The following C5 variants were observed in gnomAD, a reference collection of about 807,000 sequenced individuals.
The protein encoded by C5 is complement C5, also known as C3 and PZP-like alpha-2-macroglobulin domain-containing protein 4.
Under a neutral mutation model 218.8 loss-of-function variants are expected in C5, and 140 were observed. The observed-to-expected ratio is 0.64, with a 90% CI of 0.56 to 0.74. C5 has a LOEUF of 0.74. C5 is among the 30% of genes least tolerant of loss of function. The probability of loss-of-function intolerance (pLI) is 0.00; values close to 1 mark genes in which losing one functional copy is unlikely to be tolerated. For synonymous variants in C5, 614 were observed against 682.3 expected (o/e 0.90, Z 1.56); for missense variants, 1,700 against 1,969.6 (o/e 0.86, Z 2.59).
chr9:121,017,828 G>T lies in C5; in HGVS notation c.1531C>A (p.His511Asn), dbSNP rs761681166. The change falls in exon 13 of 41, where the codon CAC becomes AAC. Residue 511 changes from histidine to asparagine, a missense_variant. Coordinates refer to ENST00000223642, the MANE Select transcript of C5 (RefSeq NM_001735.3). ...GAAAATTTCTCCCTCGTGCCAAAGT[G>T]GATAATTTTGCCCTTGGATAAAATC... ...YLILSKGKIIHFGTREKFSDA... is the reference protein window; with the variant it reads ...YLILSKGKIINFGTREKFSDA... 216 of 1,612,346 alleles carry T rather than the reference G, an allele frequency of 1.3e-4. No homozygotes were observed. Among genetic ancestry groups the T allele is most frequent in the Non-Finnish European group, 1.8e-4 (213 of 1,178,746 alleles).
intron 33 of C5, among the ~76,000 whole-genome samples, chr9:120,966,468 T>C (rs772026238): frequency 9.8e-5 from 15 of 152,342 alleles, no homozygotes; most frequent in Non-Finnish European, 1.5e-4. Context: ...GAGTTCTTAC[T>C]GGTAGAGGCT....
In C5 at chr9:120,972,228, C is replaced by CA. The variant is rs530191447; in HGVS notation, c.4018-237dup. Reference sequence around the variant, plus strand: ...GTCTGAGATCTCCTGAGTGAACCAACAAAAGCAACATGTCAGAGGTCACTT... The same window carrying CA: ...GTCTGAGATCTCCTGAGTGAACCAACAAAAAGCAACATGTCAGAGGTCACTT... On this transcript the variant is annotated intron_variant, in intron 30 of 40. Coordinates refer to ENST00000223642, the MANE Select transcript of C5 (RefSeq NM_001735.3). Among the ~76,000 whole-genome samples the CA allele has an allele frequency of 7.9e-5, 12 of 152,322 alleles. No individual in the cohort carries two copies. In the South Asian group the frequency reaches 2.5e-3, roughly 32 times the overall value.
At chr9:121,042,789 T>C (rs1232985169) in intron 3 of C5, among the ~76,000 whole-genome samples, 1 of 152,228 alleles carries the variant, frequency 6.6e-6, no homozygotes, top group African/African-American at 2.4e-5. Flanking sequence ...AATGTAATTG[T>C]TGGTTTTGTA....
At chr9:120,994,202 C>G (rs1370870482) in intron 22 of C5, among the ~76,000 whole-genome samples, 3 of 152,048 alleles carry the variant, frequency 2.0e-5, no homozygotes, top group Non-Finnish European at 4.4e-5. Flanking sequence ...ACATTATAGT[C>G]CATTTATTTT....
intron 10 of C5, 104 bp downstream of exon 10, chr9:121,023,300 G>A: frequency 1.2e-6 from 1 of 808,292 alleles, no homozygotes; most frequent in South Asian, 1.3e-5. Context: ...AGCTCCCTCT[G>A]TGACTTCATG....
chr9:121,032,158 C>T lies in C5; in HGVS notation c.622G>A (p.Asp208Asn), dbSNP rs2047481392. The T allele has an allele frequency of 6.2e-7, 1 of 1,608,248 alleles. No homozygotes were observed. The highest frequency in any genetic ancestry group is 8.5e-7 in the Non-Finnish European group (1 of 1,174,846). Residue 208 changes from aspartate (D) to asparagine (N), a missense_variant, in exon 6 of 41, where the codon GAC becomes AAC. Asp to Asn is a conservative substitution (Grantham distance 23, BLOSUM62 1). Transcript: ENST00000223642. Reference sequence around the variant, plus strand: ...TATGCGGTTCCAGTTGTTGAAAAGTCCTCTTTATATTTAGCCTTGATCGTC... The same window carrying T: ...TATGCGGTTCCAGTTGTTGAAAAGTTCTCTTTATATTTAGCCTTGATCGTC... ...MWTIKAKYKEDFSTTGTAYFE... is the reference protein window; with the variant it reads ...MWTIKAKYKENFSTTGTAYFE...
intron 4 of C5, 31 bp from the exon 5 acceptor site, chr9:121,034,925 C>A: frequency 9.2e-7 from 1 of 1,092,442 alleles, no homozygotes; most frequent in South Asian, 1.3e-5. Context: ...CCTCAAAGGC[C>A]AGAAACTACA....
In C5 at chr9:120,962,958, C is replaced by G. The variant is rs1418687850; in HGVS notation, c.4333G>C (p.Gly1445Arg). The G allele has an allele frequency of 1.2e-6, 2 of 1,612,844 alleles. No individual in the cohort carries two copies. Among genetic ancestry groups the G allele is most frequent in the Non-Finnish European group, 1.7e-6 (2 of 1,178,962 alleles). Residue 1445 changes from glycine (G) to arginine (R), a missense_variant, in exon 35 of 41, where the codon GGG becomes CGG. Physicochemically the swap from Gly to Arg is moderately radical, Grantham distance 125. Coordinates refer to ENST00000223642, the MANE Select transcript of C5 (RefSeq NM_001735.3). ...TAATCAGTGAATAGTTGATCCACCCCTTCCACAAGCTAAGGGGGAAAAGAG... is the reference window on the plus strand; with the variant it reads ...TAATCAGTGAATAGTTGATCCACCCGTTCCACAAGCTAAGGGGGAAAAGAG... The part of the protein sequence containing the change: ...NEEDLKALVE[G>R]VDQLFTDYQI...
intron 33 of C5, among the ~76,000 whole-genome samples, chr9:120,966,778 A>G (rs2046871288): frequency 6.6e-6 from 1 of 152,212 alleles, no homozygotes; most frequent in Non-Finnish European, 1.5e-5. Flanking sequence ...GACTGGCCAC[A>G]GAAGGAAGTA....
At chr9:121,043,393 AT>A (rs2047597912) in intron 2 of C5, among the ~76,000 whole-genome samples, 1 of 152,232 alleles carries the variant, frequency 6.6e-6, no homozygotes, top group African/African-American at 2.4e-5. Context: ...CTTTGGTTCC[AT>A]GTTTCCTAAA....
intron 20 of C5, among the ~76,000 whole-genome samples, chr9:121,004,011 G>A (rs905799048): frequency 6.6e-6 from 1 of 152,012 alleles, no homozygotes; most frequent in Admixed American, 6.6e-5. Context: ...TGGGACTACA[G>A]GCGCCTGCCA....
chr9:121,051,350 C>A (rs2047669971), upstream of C5, among the ~76,000 whole-genome samples: 1 of 152,058 alleles, frequency 6.6e-6, no homozygotes, highest in South Asian at 2.1e-4. Flanking sequence ...TCTCGAACTC[C>A]TGACCTCAGG....
At chr9:120,978,189 T>C (rs1427286323) in intron 28 of C5, among the ~76,000 whole-genome samples, 1 of 152,166 alleles carries the variant, frequency 6.6e-6, no homozygotes, top group Non-Finnish European at 1.5e-5. Context: ...GGCTGTAAAT[T>C]ATATTTGTTA....
chr9:121,038,035 T>C, intron 3 of C5, 84 bp from the exon 4 acceptor site: 1 of 654,042 alleles, frequency 1.5e-6, no homozygotes, highest in Non-Finnish European at 2.6e-6. Context: ...TTAAAAGAGA[T>C]GAATCTTACT....
At chr9:121,023,950 T>C (rs1463346711) in intron 9 of C5, among the ~76,000 whole-genome samples, 2 of 150,176 alleles carry the variant, frequency 1.3e-5, no homozygotes, top group Non-Finnish European at 3.0e-5. Flanking sequence ...CATAGATACA[T>C]AGAGAGAAAT....
chr9:121,021,818 T>A, intron 10 of C5, 124 bp from the exon 11 acceptor site: 1 of 954,538 alleles, frequency 1.0e-6, no homozygotes, highest in Non-Finnish European at 1.6e-6. Context: ...TTTCTGAAAA[T>A]TTTTTTTCTG....
chr9:121,073,368 T>G, the C5 span, among the ~76,000 whole-genome samples: 1 of 152,204 alleles, frequency 6.6e-6, no homozygotes, highest in Non-Finnish European at 1.5e-5. Context: ...ACTCTTCTTT[T>G]GGGCGTAGAA....
At chr9:120,994,607 A>T (rs2047102800) in intron 22 of C5, among the ~76,000 whole-genome samples, 1 of 152,102 alleles carries the variant, frequency 6.6e-6, no homozygotes, top group South Asian at 2.1e-4. Flanking sequence ...AAAAAATAAT[A>T]AATATTAGAA....
chr9:120,963,732 C>T lies in C5; in HGVS notation c.4227G>A (p.Lys1409=), dbSNP rs781642418. ...YKRIVACASY[K]PSREESSSGS... ...CAGATGATGATTCTTCCCTGCTGGG[C>T]TTGTAGCTAAAATAAAAAAGAGGTT... Residue 1409 remains lysine (K), a synonymous_variant, in exon 34 of 41, where the codon AAG becomes AAA. Transcript: ENST00000223642. 1.9e-6 allele frequency: 3 copies of T among 1,610,048 alleles called. No homozygotes were observed. In the African/African-American group the frequency reaches 4.0e-5, roughly 22 times the overall value.
Sources: gnomAD v4.1 joint callset for allele counts (sites outside exome capture counted in the v4.1 genomes callset) on GRCh38, gnomAD v4.1.1 for gene constraint, MANE v1.5 for transcripts, NCBI Gene and HGNC (gene_info 2026-07-23, HGNC 2026-07-21) for gene names.